The following JAKMIP2 variants were observed in gnomAD, a reference collection of about 807,000 sequenced individuals.
JAKMIP2 encodes janus kinase and microtubule-interacting protein 2.
In JAKMIP2, 25 loss-of-function variants were observed where a neutral mutation model predicts 115.0. The observed-to-expected ratio is 0.22, with a 90% CI of 0.16 to 0.30. JAKMIP2 has a LOEUF of 0.30. JAKMIP2 is among the 10% of genes least tolerant of loss of function. The probability of loss-of-function intolerance (pLI) is 1.00; values close to 1 mark genes in which losing one functional copy is unlikely to be tolerated. For missense variants in JAKMIP2, 642 were observed against 957.6 expected (o/e 0.67, Z 4.35); for synonymous variants, 334 against 343.6 (o/e 0.97, Z 0.31).
chr5:147,702,486 A>G (rs1752371599), intron 1 of JAKMIP2, among the ~76,000 whole-genome samples: 2 of 144,510 alleles, frequency 1.4e-5, no homozygotes, highest in South Asian at 4.5e-4. Context: ...AAGGAAGAGA[A>G]AAGAGGAAAG....
intron 1 of JAKMIP2, among the ~76,000 whole-genome samples, chr5:147,714,746 A>C (rs1186392991): frequency 1.3e-5 from 2 of 152,216 alleles, no homozygotes; most frequent in Non-Finnish European, 2.9e-5. Flanking sequence ...CAACAGCAAC[A>C]CAAGAAGCAG....
At chr5:147,755,327 A>C (rs535852274) in intron 1 of JAKMIP2, among the ~76,000 whole-genome samples, 3 of 152,146 alleles carry the variant, frequency 2.0e-5, no homozygotes, top group Admixed American at 2.0e-4. Context: ...ATGTCTCCCT[A>C]AAATGTATAA....
At chr5:147,703,220 G>A (rs972734432) in intron 1 of JAKMIP2, among the ~76,000 whole-genome samples, 1 of 152,060 alleles carries the variant, frequency 6.6e-6, no homozygotes, top group Non-Finnish European at 1.5e-5. Flanking sequence ...AACCTATATG[G>A]TAAAGCCCAC....
At chr5:147,667,106 T>C (rs1581382217) in intron 2 of JAKMIP2, among the ~76,000 whole-genome samples, 3 of 152,162 alleles carry the variant, frequency 2.0e-5, no homozygotes, top group Non-Finnish European at 4.4e-5. Flanking sequence ...TTGTGTTCTC[T>C]GGCATTGGCA....
At chr5:147,640,682 C>T (rs1757840446) in intron 9 of JAKMIP2, 22 bp downstream of exon 9, 2 of 1,612,384 alleles carry the variant, frequency 1.2e-6, no homozygotes, top group African/African-American at 1.3e-5. Flanking sequence ...TCACCCTAGG[C>T]TAGAGAAGTA....
chr5:147,732,430 C>A (rs1435939111), intron 1 of JAKMIP2, among the ~76,000 whole-genome samples: 2 of 152,180 alleles, frequency 1.3e-5, no homozygotes, highest in Admixed American at 6.5e-5. Context: ...GTTTGTGGAG[C>A]TGCCAGCGTT....
At chr5:147,680,468 T>A (rs1270542362) in intron 1 of JAKMIP2, among the ~76,000 whole-genome samples, 1 of 150,170 alleles carries the variant, frequency 6.7e-6, no homozygotes, top group Non-Finnish European at 1.5e-5. Context: ...TGCAATGTGA[T>A]GTGAAAGCAA....
At chr5:147,691,345 C>A (rs190755954) in intron 1 of JAKMIP2, among the ~76,000 whole-genome samples, 1 of 152,204 alleles carries the variant, frequency 6.6e-6, no homozygotes, top group East Asian at 1.9e-4. Flanking sequence ...TTAATAGTTT[C>A]CCCCCATCCC....
intron 1 of JAKMIP2, among the ~76,000 whole-genome samples, chr5:147,690,477 A>T (rs1203988480): frequency 2.0e-5 from 3 of 150,184 alleles, no homozygotes; most frequent in Non-Finnish European, 4.4e-5. Flanking sequence ...CAAAACATTT[A>T]AAGAGCAAGA....
chr5:147,610,146 A>G (rs10055220), intron 20 of JAKMIP2, among the ~76,000 whole-genome samples: 145,366 of 152,244 alleles, frequency 0.95, 69,752 homozygotes, highest in East Asian at 1. Context: ...GCTCAGAGGA[A>G]TTTGTTATTA....
intron 1 of JAKMIP2, among the ~76,000 whole-genome samples, chr5:147,745,610 A>T (rs902258542): frequency 7.9e-5 from 12 of 152,120 alleles, no homozygotes; most frequent in African/African-American, 2.9e-4. Flanking sequence ...TGTTGTCAGC[A>T]ATTATATTTA....
intron 1 of JAKMIP2, among the ~76,000 whole-genome samples, chr5:147,720,229 G>A (rs1313841085): frequency 1.3e-5 from 2 of 152,168 alleles, no homozygotes; most frequent in African/African-American, 4.8e-5. Context: ...CTGTTAGTCT[G>A]ATGGGCTTCC....
At chr5:147,698,233 T>G (rs866833203) in intron 1 of JAKMIP2, among the ~76,000 whole-genome samples, 1 of 152,328 alleles carries the variant, frequency 6.6e-6, no homozygotes, top group East Asian at 1.9e-4. Flanking sequence ...GGCCAATTTG[T>G]CCCATTTTGA....
At chr5:147,700,107 A>C (rs1320028914) in intron 1 of JAKMIP2, among the ~76,000 whole-genome samples, 1 of 152,200 alleles carries the variant, frequency 6.6e-6, no homozygotes, top group Non-Finnish European at 1.5e-5. Context: ...CCCCAGATAA[A>C]GTTCTCAAGT....
In JAKMIP2 at chr5:147,730,697, G is replaced by A. The variant is rs537948628; in HGVS notation, c.-149+51759C>T. On this transcript the variant is annotated intron_variant, in intron 1 of 21. Transcript: ENST00000616793. ...TCTTGAACTCCTGACCTCATGAGCC[G>A]CCGGCCTCAGCCTCCCAAAGTGCTG... Among the ~76,000 whole-genome samples the A allele has an allele frequency of 5.9e-5, 9 of 152,118 alleles. No homozygotes were observed. The South Asian group carries it at 6.2e-4, about 11-fold the overall frequency.
At chr5:147,747,486 G>C (rs1457788105) in intron 1 of JAKMIP2, among the ~76,000 whole-genome samples, 3 of 152,052 alleles carry the variant, frequency 2.0e-5, no homozygotes, top group Non-Finnish European at 4.4e-5. Context: ...TAAATAGAAA[G>C]AAGCTGACTC....
Position 147,591,571 on chromosome 5 carries a change from G to A in JAKMIP2, c.*136C>T. ...TTTAAAATACACAGTTGTAGTCCTG[G>A]CTACAGGGTAGTTCTTAGCTTTTGA... is the stretch of plus-strand genomic sequence containing the variant. On this transcript the variant is annotated 3_prime_UTR_variant, in exon 22 of 22. Coordinates refer to ENST00000616793, the MANE Select transcript of JAKMIP2 (RefSeq NM_001270941.2). The A allele has an allele frequency of 2.2e-6, 2 of 904,978 alleles. No individual in the cohort carries two copies. The highest frequency in any genetic ancestry group is 3.6e-6 in the Non-Finnish European group (2 of 553,324). 56.1% of individuals were successfully genotyped at this position (904,978 alleles called of 1,614,324 possible).
rs80054452 is a variant in JAKMIP2 at position 147,750,333 on chromosome 5, C to T, written c.-149+32123G>A. ...CCCAAGGGACACAATCCTCATATGA[C>T]GCCTTTGTGTTGTTAAGATGTGTGA... is the stretch of plus-strand genomic sequence containing the variant. On this transcript the variant is annotated intron_variant, in intron 1 of 21. Transcript: ENST00000616793. 6.0e-3 allele frequency among the ~76,000 whole-genome samples: 910 copies of T among 152,124 alleles called. 18 individuals are homozygous for T. Among genetic ancestry groups the T allele is most frequent in the African/African-American group, 0.021 (855 of 41,498 alleles).
intron 1 of JAKMIP2, among the ~76,000 whole-genome samples, chr5:147,722,345 C>T (rs1753346402): frequency 6.6e-6 from 1 of 152,090 alleles, no homozygotes; most frequent in Non-Finnish European, 1.5e-5. Flanking sequence ...TTCCTCTCCC[C>T]GTCTTTTCTC....
Sources: allele counts gnomAD v4.1 joint callset (sites outside exome capture counted in the v4.1 genomes callset), GRCh38; gene constraint gnomAD v4.1.1; transcripts MANE v1.5; gene names NCBI Gene and HGNC (gene_info 2026-07-23, HGNC 2026-07-21).